Variants in CSMD1 observed in about 807,000 individuals in gnomAD.
CSMD1 encodes CUB and sushi domain-containing protein 1.
In CSMD1, 213 loss-of-function variants were observed where a neutral mutation model predicts 417.5. The ratio of observed to expected loss-of-function variants is 0.51; its 90% CI spans 0.46 to 0.57. The LOEUF is 0.57. Among genes scored for constraint, CSMD1 ranks in the 20% least tolerant of loss-of-function variants. The pLI, the probability that CSMD1 is intolerant of heterozygous loss-of-function variation, is 0.00. For synonymous variants in CSMD1, 2,862 were observed against 1,736.8 expected, an observed-to-expected ratio of 1.65 and a Z score of -16.11; for missense variants, 6,923 against 4,529.7, an observed-to-expected ratio of 1.53 and a Z score of -15.17.
intron 4 of CSMD1, among the ~76,000 whole-genome samples, chr8:4,027,230 G>C (rs564705945): frequency 3.9e-5 from 6 of 152,274 alleles, no homozygotes; most frequent in Non-Finnish European, 5.9e-5. Flanking sequence ...TTCTCATTGA[G>C]TCACCAAAGT....
intron 10 of CSMD1, among the ~76,000 whole-genome samples, chr8:3,537,339 C>A (rs1249601929): frequency 6.6e-6 from 1 of 152,208 alleles, no homozygotes; most frequent in Non-Finnish European, 1.5e-5. Flanking sequence ...ATTCCTATCA[C>A]CTGTATGAGT....
At chr8:3,112,639 C>T (rs1420342193) in intron 42 of CSMD1, among the ~76,000 whole-genome samples, 2 of 152,128 alleles carry the variant, frequency 1.3e-5, no homozygotes, top group Admixed American at 6.6e-5. Flanking sequence ...AGTAAGGGTG[C>T]CTGGGATGGA....
chr8:3,568,007 G>C (rs762600314), intron 10 of CSMD1, among the ~76,000 whole-genome samples: 16 of 152,268 alleles, frequency 1.1e-4, no homozygotes, highest in Admixed American at 2.0e-4. Flanking sequence ...TGATGCCTTA[G>C]AAAAGTTGGT....
intron 49 of CSMD1, among the ~76,000 whole-genome samples, chr8:3,084,126 C>G (rs930954183): frequency 1.3e-5 from 2 of 152,118 alleles, no homozygotes; most frequent in African/African-American, 4.8e-5. Context: ...ACACCATATG[C>G]AATTTGCCAA....
intron 1 of CSMD1, among the ~76,000 whole-genome samples, chr8:4,836,182 T>G (rs757391748): frequency 2.0e-5 from 3 of 152,220 alleles, no homozygotes; most frequent in Non-Finnish European, 2.9e-5. Flanking sequence ...AATCGTTAAT[T>G]GTGAATTGAT....
chr8:4,569,575 T>C (rs1798783467), intron 2 of CSMD1, among the ~76,000 whole-genome samples: 1 of 152,170 alleles, frequency 6.6e-6, no homozygotes, highest in Admixed American at 6.5e-5. Context: ...AGTCAGGTAG[T>C]ATGACGCCTC....
Position 3,831,832 on chromosome 8 carries a change from C to T in CSMD1, c.819-77790G>A, listed in dbSNP as rs182050075. Among the ~76,000 whole-genome samples the T allele has an allele frequency of 4.6e-5, 7 of 152,264 alleles. No individual in the cohort carries two copies. In the East Asian group the frequency reaches 9.6e-4, roughly 21 times the overall value. ...ATGCTGCCCATCATAATCTGGAAAG[C>T]TACTGCTATCCTTGTTCATATAACA... On this transcript the variant is annotated intron_variant, in intron 5 of 69. Coordinates refer to ENST00000635120, the MANE Select transcript of CSMD1 (RefSeq NM_033225.6).
intron 6 of CSMD1, among the ~76,000 whole-genome samples, chr8:3,742,736 G>T (rs372815406): frequency 4.0e-5 from 6 of 151,570 alleles, no homozygotes; most frequent in African/African-American, 1.5e-4. Flanking sequence ...GAGAGAGAGA[G>T]AAGAAAAAAA....
At chr8:4,402,090 T>G (rs185878366) in intron 3 of CSMD1, among the ~76,000 whole-genome samples, 2 of 152,142 alleles carry the variant, frequency 1.3e-5, no homozygotes, top group East Asian at 1.9e-4. Flanking sequence ...GTTCTCAACC[T>G]CCTCCCCTTC....
intron 5 of CSMD1, among the ~76,000 whole-genome samples, chr8:3,943,914 T>C (rs1274891152): frequency 6.6e-6 from 1 of 152,056 alleles, no homozygotes; most frequent in Non-Finnish European, 1.5e-5. Context: ...CTGAATTAGG[T>C]TCTGAGCCAG....
chr8:4,270,119 C>G (rs1486680379), intron 3 of CSMD1, among the ~76,000 whole-genome samples: 1 of 152,116 alleles, frequency 6.6e-6, no homozygotes, highest in Non-Finnish European at 1.5e-5. Flanking sequence ...CTTTCTGAGA[C>G]TTTGGTTGTG....
In CSMD1 at chr8:3,495,543, G is replaced by A. The variant is rs116721462; in HGVS notation, c.1345-1817C>T. Among the ~76,000 whole-genome samples, 1,490 of 152,292 alleles carry A rather than the reference G, an allele frequency of 9.8e-3. 26 individuals are homozygous for A. Among genetic ancestry groups the A allele is most frequent in the African/African-American group, 0.034 (1,422 of 41,566 alleles). On this transcript the variant is annotated intron_variant, in intron 10 of 69. Coordinates refer to ENST00000635120, the MANE Select transcript of CSMD1 (RefSeq NM_033225.6). The stretch of plus-strand genomic sequence containing the variant: ...TTCATCTCAACAATCAGCAGGTCCT[G>A]TTGTCAAACACCAATCTTTACTCCA...
At chr8:3,376,233 A>G (rs1810294453) in intron 18 of CSMD1, among the ~76,000 whole-genome samples, 1 of 152,042 alleles carries the variant, frequency 6.6e-6, no homozygotes, top group Non-Finnish European at 1.5e-5. Flanking sequence ...TAACATAATT[A>G]CTATTGAAAT....
intron 5 of CSMD1, among the ~76,000 whole-genome samples, chr8:3,889,092 T>G (rs914516036): frequency 1.2e-4 from 18 of 152,108 alleles, no homozygotes; most frequent in Admixed American, 8.5e-4. Flanking sequence ...GGTGACCAAT[T>G]CATTGGTTGC....
At chr8:4,873,059 A>T (rs1469163363) in intron 1 of CSMD1, among the ~76,000 whole-genome samples, 3 of 152,112 alleles carry the variant, frequency 2.0e-5, no homozygotes, top group African/African-American at 7.3e-5. Context: ...TTTAAGGTGT[A>T]CAATATGATG....
At chr8:4,440,734 G>A (rs1425232233) in intron 2 of CSMD1, among the ~76,000 whole-genome samples, 2 of 152,130 alleles carry the variant, frequency 1.3e-5, no homozygotes, top group African/African-American at 2.4e-5. Context: ...GGTGGTTCAT[G>A]CCTATAATCC....
intron 5 of CSMD1, among the ~76,000 whole-genome samples, chr8:3,882,774 C>T (rs1806290525): frequency 6.6e-6 from 1 of 152,118 alleles, no homozygotes; most frequent in Non-Finnish European, 1.5e-5. Context: ...AATCCAAAAG[C>T]AAAACAATGC....
At chr8:3,154,291 C>T (rs1337918338) in intron 39 of CSMD1, among the ~76,000 whole-genome samples, 2 of 152,164 alleles carry the variant, frequency 1.3e-5, no homozygotes, top group Admixed American at 6.5e-5. Context: ...CATTTTAAGG[C>T]GACTGGGCTT....
chr8:3,972,863 G>C (rs574964596), intron 5 of CSMD1, among the ~76,000 whole-genome samples: 1 of 151,740 alleles, frequency 6.6e-6, no homozygotes, highest in Non-Finnish European at 1.5e-5. Flanking sequence ...TTATAAAAGA[G>C]CAAACGGAAA....
Sources: allele counts gnomAD v4.1 joint callset (sites outside exome capture counted in the v4.1 genomes callset), GRCh38; gene constraint gnomAD v4.1.1; transcripts MANE v1.5; gene names NCBI Gene and HGNC (gene_info 2026-07-23, HGNC 2026-07-21).